Variants in CRACR2A observed in about 807,000 individuals in gnomAD.
CRACR2A encodes calcium release activated channel regulator 2A.
CRACR2A carries 79 observed loss-of-function variants against 90.5 expected under a neutral mutation model. The observed-to-expected ratio is 0.87, with a 90% confidence interval of 0.73 to 1.05. CRACR2A has a LOEUF of 1.05. Among genes scored for constraint, CRACR2A ranks in the 50% least tolerant of loss-of-function variants. CRACR2A has a pLI of 0.00. For missense variants in CRACR2A, 823 were observed against 897.2 expected (o/e 0.92, Z 1.06); for synonymous variants, 338 against 356.7 (o/e 0.95, Z 0.59).
At chr12:3,653,997 C>T (rs541120586) in intron 10 of CRACR2A, among the ~76,000 whole-genome samples, 2 of 152,324 alleles carry the variant, frequency 1.3e-5, no homozygotes, top group Non-Finnish European at 2.9e-5. Flanking sequence ...CAGGGCTGTA[C>T]ATTTCTTGTC....
In CRACR2A at chr12:3,745,313, G is replaced by A. The variant is rs1190300956; in HGVS notation, c.-387+7702C>T. On this transcript the variant is annotated intron_variant, in intron 1 of 19. Transcript: ENST00000440314. ...TGGTATCTCCCCAATGGCAATTTCT[G>A]ACCGTGATTCAGATGACACTACCCA... Among the ~76,000 whole-genome samples, 7 of 152,202 alleles carry A rather than the reference G, an allele frequency of 4.6e-5. No individual in the cohort carries two copies. In the South Asian group the frequency reaches 6.2e-4, roughly 14 times the overall value.
intron 10 of CRACR2A, 90 bp downstream of exon 10, chr12:3,654,122 G>A (rs1234383970): frequency 8.2e-6 from 12 of 1,470,816 alleles, no homozygotes; most frequent in Non-Finnish European, 1.1e-5. Context: ...CACAGGCAAG[G>A]AGACAGGGTC....
At chr12:3,617,469 T>C (rs566030157) in intron 18 of CRACR2A, among the ~76,000 whole-genome samples, 2 of 152,284 alleles carry the variant, frequency 1.3e-5, no homozygotes, top group African/African-American at 4.8e-5. Flanking sequence ...CACATTGAGT[T>C]AATGGCAGAG....
At chr12:3,651,488 GTTAATTAAA>G (rs1467204799) in intron 10 of CRACR2A, among the ~76,000 whole-genome samples, 9 of 152,178 alleles carry the variant, frequency 5.9e-5, no homozygotes, top group Non-Finnish European at 1.3e-4. Context: ...CAAAATAAAA[GTTAATTAAA>G]AAACAGAGTT....
rs1336208143 is a variant in CRACR2A, at chr12:3,679,099, C to T, written c.341-1G>A. The T allele has an allele frequency of 5.0e-6, 8 of 1,610,814 alleles. No homozygotes were observed. Among genetic ancestry groups the T allele is most frequent in the Non-Finnish European group, 6.8e-6 (8 of 1,178,648 alleles). ...TTATTCTGGCTGAAGAAGAAGTGAC[C>T]TGGGGGGTGCAGGGCACAAGGATCC... is the stretch of plus-strand genomic sequence containing the variant. On this transcript the variant is annotated splice_acceptor_variant, in intron 5 of 19. Transcript: ENST00000440314. LOFTEE classifies it high-confidence loss of function.
intron 1 of CRACR2A, among the ~76,000 whole-genome samples, chr12:3,744,543 AC>A (rs1358202559): frequency 6.6e-6 from 1 of 152,188 alleles, no homozygotes; most frequent in African/African-American, 2.4e-5. Flanking sequence ...TGTGGTGCTC[AC>A]TTTCCTCATC....
chr12:3,680,090 G>T, intron 5 of CRACR2A, 148 bp downstream of exon 5: 1 of 609,992 alleles, frequency 1.6e-6, no homozygotes, highest in African/African-American at 1.8e-5. Context: ...GCAATCTAGA[G>T]CCTGGAGACC....
rs185896613 is a variant in CRACR2A, at chr12:3,646,944, G to A, written c.1118+1598C>T. 1.1e-4 allele frequency among the ~76,000 whole-genome samples: 16 copies of A among 152,274 alleles called. No individual in the cohort carries two copies. In the East Asian group the frequency reaches 3.1e-3, roughly 29 times the overall value. On this transcript the variant is annotated intron_variant, in intron 11 of 19. Transcript: ENST00000440314. ...ATTCTCAAAAGAAGCCTGTCAGCTA[G>A]GCATGGGAAAATTAAGACTCGGGTT...
In CRACR2A at chr12:3,615,328, G is replaced by A; in HGVS notation, c.*27C>T. ...GGGCAGGCTCTGTGACCTCAGGTTTGCTGGGGGCAGTCCTTGTAGGACCCT... is the reference window on the plus strand; with the variant it reads ...GGGCAGGCTCTGTGACCTCAGGTTTACTGGGGGCAGTCCTTGTAGGACCCT... On this transcript the variant is annotated 3_prime_UTR_variant, in exon 20 of 20. Coordinates refer to ENST00000440314, the MANE Select transcript of CRACR2A (RefSeq NM_001144958.2). 4 of 1,546,668 alleles carry A rather than the reference G, an allele frequency of 2.6e-6. No individual in the cohort carries two copies. Among genetic ancestry groups the A allele is most frequent in the Non-Finnish European group, 3.5e-6 (4 of 1,142,392 alleles).
intron 1 of CRACR2A, among the ~76,000 whole-genome samples, chr12:3,748,607 A>G (rs771998971): frequency 7.2e-5 from 11 of 152,192 alleles, no homozygotes; most frequent in South Asian, 2.1e-4. Flanking sequence ...TAGTTGCCCC[A>G]GGCAGATGAG....
chr12:3,742,389 C>A (rs938905664), intron 1 of CRACR2A, among the ~76,000 whole-genome samples: 1 of 152,208 alleles, frequency 6.6e-6, no homozygotes, highest in Non-Finnish European at 1.5e-5. Context: ...GGGACATAGT[C>A]CACATCATAC....
rs1944407534 is a variant in CRACR2A, at chr12:3,633,384, T to C, written c.1735+220A>G. On this transcript the variant is annotated intron_variant, in intron 15 of 19. Coordinates refer to ENST00000440314, the MANE Select transcript of CRACR2A (RefSeq NM_001144958.2). This position sits in a 1 kb window ranked among gnomAD's most constrained non-coding sequence, Gnocchi z 4.5. ...ACTTACAAAGTACTCAGGGGTCCCA[T>C]CACACACAGGATGAGCTTAGCAGCT... Among the ~76,000 whole-genome samples, 1 of 152,108 alleles carries C rather than the reference T, an allele frequency of 6.6e-6. No individual in the cohort carries two copies. The highest frequency in any genetic ancestry group is 2.4e-5 in the African/African-American group (1 of 41,410).
At chr12:3,704,301 G>C (rs1945880993) in intron 3 of CRACR2A, among the ~76,000 whole-genome samples, 1 of 152,132 alleles carries the variant, frequency 6.6e-6, no homozygotes, top group Non-Finnish European at 1.5e-5. Flanking sequence ...GACAAGAAAG[G>C]CACATTTCAT....
intron 10 of CRACR2A, among the ~76,000 whole-genome samples, chr12:3,650,029 C>T (rs1336864979): frequency 4.6e-5 from 7 of 152,186 alleles, no homozygotes; most frequent in Admixed American, 4.6e-4. Context: ...ATGCTTTAGA[C>T]ATTTTTTAAT....
intron 17 of CRACR2A, 125 bp from the exon 18 acceptor site, chr12:3,619,497 G>T (rs1341298071): frequency 9.7e-6 from 7 of 721,684 alleles, no homozygotes; most frequent in Non-Finnish European, 4.7e-6. Context: ...AAAAGGTGAG[G>T]CCGTAACAGA....
At chr12:3,697,131 C>T (rs1945755207) in intron 3 of CRACR2A, 96 bp from the exon 4 acceptor site, 4 of 1,394,812 alleles carry the variant, frequency 2.9e-6, no homozygotes, top group East Asian at 2.5e-5. Context: ...CAGAGCCATA[C>T]ACCAGTGTGT....
At chr12:3,640,844 C>G (rs1380637673) in intron 13 of CRACR2A, 3 of 1,297,616 alleles carry the variant, frequency 2.3e-6, no homozygotes, top group Non-Finnish European at 3.0e-6. Context: ...TCTCAATGAG[C>G]AATGAGCCAA....
At chr12:3,690,423 A>G (rs1945632676) in intron 4 of CRACR2A, among the ~76,000 whole-genome samples, 1 of 152,190 alleles carries the variant, frequency 6.6e-6, no homozygotes, top group Admixed American at 6.5e-5. Context: ...ATTACCCCAA[A>G]GTCATTCATG....
At chr12:3,690,175 T>C (rs1049991987) in intron 4 of CRACR2A, among the ~76,000 whole-genome samples, 2 of 152,260 alleles carry the variant, frequency 1.3e-5, no homozygotes, top group African/African-American at 4.8e-5. Context: ...CAGCTCTGAT[T>C]ATGGTTATTT....
Sources: allele counts gnomAD v4.1 joint callset (sites outside exome capture counted in the v4.1 genomes callset), GRCh38; gene constraint gnomAD v4.1.1; non-coding constraint Gnocchi (gnomAD v3.1); transcripts MANE v1.5; gene names NCBI Gene and HGNC (gene_info 2026-07-23, HGNC 2026-07-21).